Variants in DNAH11 observed in about 807,000 individuals in gnomAD.
DNAH11 encodes axonemal beta dynein heavy chain 11.
Under a neutral mutation model 526.0 loss-of-function variants are expected in DNAH11, and 442 were observed. The observed-to-expected ratio is 0.84, with a 90% CI of 0.78 to 0.91. The LOEUF (loss-of-function observed/expected upper bound fraction) is 0.91. Ranked by LOEUF, DNAH11 falls within the 40% of genes least tolerant of loss-of-function variation. DNAH11 has a pLI of 0.00. For missense variants in DNAH11, 6,989 were observed against 5,448.7 expected (o/e 1.28, Z -8.90); for synonymous variants, 2,461 against 1,935.9 (o/e 1.27, Z -7.12).
rs181656428 is a variant in DNAH11, at chr7:21,570,467, A to G, written c.1425+168A>G. On this transcript the variant is annotated intron_variant, in intron 7 of 81. Coordinates refer to ENST00000409508, the MANE Select transcript of DNAH11 (RefSeq NM_001277115.2). ...GCCAATGCTATGATGATACAAGGGC[A>G]TTTTTTAAATCTTTAATTTGGATTT... 3.2e-3 allele frequency: 1,615 copies of G among 498,816 alleles called. 7 individuals are homozygous for G. Among genetic ancestry groups the G allele is most frequent in the Non-Finnish European group, 3.4e-3 (983 of 293,004 alleles). The allele number at this position is 498,816 out of a possible 1,614,324, so 30.9% of individuals were successfully genotyped here.
At chr7:21,857,749 T>C (rs1250682450) in intron 68 of DNAH11, among the ~76,000 whole-genome samples, 1 of 152,070 alleles carries the variant, frequency 6.6e-6, no homozygotes, top group Non-Finnish European at 1.5e-5. Context: ...TTACAACAAA[T>C]GGTGCTGGAG....
At position 21,544,599 on chromosome 7, in the gene DNAH11, A is replaced by G. The variant is rs373266282; in HGVS notation, c.352-407A>G. 2.0e-4 allele frequency among the ~76,000 whole-genome samples: 30 copies of G among 152,356 alleles called. 1 individual carries two copies. In the South Asian group the frequency reaches 6.0e-3, roughly 31 times the overall value. On this transcript the variant is annotated intron_variant, in intron 1 of 81. Transcript: ENST00000409508. ...CTATTCTTTGATAGAAATACAAATT[A>G]ACCTCTTGGGCTTGTCTTTATCTCA...
Position 21,818,327 on chromosome 7 carries a change from T to A in DNAH11, c.10679T>A (p.Ile3560Asn), listed in dbSNP as rs1789900953. The A allele has an allele frequency of 3.7e-6, 6 of 1,604,416 alleles. No homozygotes were observed. The highest frequency in any genetic ancestry group is 1.7e-5 in the Admixed American group (1 of 57,582). ...VLDPLLGRNTIKKGKYIRIGD... is the reference protein window; with the variant it reads ...VLDPLLGRNTNKKGKYIRIGD... ...GATCCACTACTTGGCAGGAACACAATTAAAAAAGGAAAGTAAGTATTCTTG... is the reference window on the plus strand; with the variant it reads ...GATCCACTACTTGGCAGGAACACAAATAAAAAAGGAAAGTAAGTATTCTTG... Residue 3560 changes from isoleucine (I) to asparagine (N), a missense_variant, in exon 65 of 82, where the codon ATT becomes AAT. Transcript: ENST00000409508.
intron 17 of DNAH11, 52 bp from the exon 18 acceptor site, chr7:21,601,344 A>G (rs931607642): frequency 2.0e-6 from 3 of 1,538,064 alleles, no homozygotes; most frequent in East Asian, 2.3e-5. Context: ...ATACTGCTAA[A>G]TGTTTTAATA....
intron 30 of DNAH11, among the ~76,000 whole-genome samples, chr7:21,674,197 T>G (rs1281923565): frequency 6.6e-6 from 1 of 151,496 alleles, no homozygotes; most frequent in Non-Finnish European, 1.5e-5. Flanking sequence ...GTACCTGGAG[T>G]TATAGGCGTG....
chr7:21,715,893 A>G (rs912109449), intron 42 of DNAH11, among the ~76,000 whole-genome samples: 1 of 147,328 alleles, frequency 6.8e-6, no homozygotes, highest in Non-Finnish European at 1.5e-5. Flanking sequence ...CTCAAGCAGA[A>G]TCGGCTCTTA....
At position 21,676,314 on chromosome 7, in the gene DNAH11, T is replaced by C. The variant is rs151215776; in HGVS notation, c.5329-5232T>C. Among the ~76,000 whole-genome samples the C allele has an allele frequency of 4.1e-3, 626 of 152,320 alleles. 1 individual carries two copies. Among genetic ancestry groups the C allele is most frequent in the Admixed American group, 0.011 (171 of 15,304 alleles). On this transcript the variant is annotated intron_variant, in intron 30 of 81. Transcript: ENST00000409508. ...AATCATGTAACACTGTTGCGATCAGTGGCAAGAATATGTACTGATTACATG... is the reference window on the plus strand; with the variant it reads ...AATCATGTAACACTGTTGCGATCAGCGGCAAGAATATGTACTGATTACATG...
chr7:21,882,210 G>A (rs944397896), intron 75 of DNAH11, among the ~76,000 whole-genome samples: 10 of 152,110 alleles, frequency 6.6e-5, no homozygotes, highest in Admixed American at 3.9e-4. Flanking sequence ...GTGGACACAC[G>A]TGTTTCTCTC....
At chr7:21,728,142 A>G (rs1195272663) in intron 45 of DNAH11, among the ~76,000 whole-genome samples, 2 of 151,836 alleles carry the variant, frequency 1.3e-5, no homozygotes, top group Non-Finnish European at 2.9e-5. Context: ...TGGAGGAGAC[A>G]TAATTCAGCC....
In DNAH11 at chr7:21,687,191, A is replaced by G. The variant is rs1196149508; in HGVS notation, c.5714A>G (p.Asp1905Gly). Reference sequence around the variant, plus strand: ...ACCGGGAAAACAGAGACCACCAAAGACCTAGGACGTGCCCTTGGCATGATG... The same window carrying G: ...ACCGGGAAAACAGAGACCACCAAAGGCCTAGGACGTGCCCTTGGCATGATG... ...AGTGKTETTK[D>G]LGRALGMMVY... Residue 1905 changes from aspartate to glycine, a missense_variant, in exon 33 of 82, where the codon GAC becomes GGC. Asp to Gly is a moderately conservative substitution (Grantham distance 94, BLOSUM62 -1). Coordinates refer to ENST00000409508, the MANE Select transcript of DNAH11 (RefSeq NM_001277115.2). 6.2e-7 allele frequency: 1 copy of G among 1,611,612 alleles called. No homozygotes were observed. Among genetic ancestry groups the G allele is most frequent in the East Asian group, 2.2e-5 (1 of 44,864 alleles).
intron 16 of DNAH11, 30 bp downstream of exon 16, chr7:21,600,960 T>C (rs779918334): frequency 2.5e-6 from 4 of 1,611,656 alleles, no homozygotes; most frequent in South Asian, 1.1e-5. Context: ...TTTAATGTAG[T>C]GAAATGGCTT....
chr7:21,775,974 G>C (rs1787654846), intron 56 of DNAH11, among the ~76,000 whole-genome samples: 1 of 152,220 alleles, frequency 6.6e-6, no homozygotes, highest in South Asian at 2.1e-4. Flanking sequence ...CTTAAAGGTT[G>C]TGAGCTAAAA....
At chr7:21,650,174 G>A (rs1787561886) in intron 28 of DNAH11, among the ~76,000 whole-genome samples, 1 of 152,040 alleles carries the variant, frequency 6.6e-6, no homozygotes, top group African/African-American at 2.4e-5. Context: ...TTTTATGAAA[G>A]AAACACCAAA....
intron 11 of DNAH11, 94 bp from the exon 12 acceptor site, chr7:21,589,107 TTATAGTG>T (rs1260622027): frequency 1.1e-5 from 10 of 883,412 alleles, no homozygotes; most frequent in Middle Eastern, 3.6e-4. Flanking sequence ...TCCTGGTTGT[TTATAGTG>T]TATTATATTT....
chr7:21,640,984 C>A (rs1361765978), intron 28 of DNAH11, among the ~76,000 whole-genome samples: 1 of 152,176 alleles, frequency 6.6e-6, no homozygotes, highest in East Asian at 1.9e-4. Flanking sequence ...CAGCAAGGAT[C>A]CACGTGCTGG....
chr7:21,635,364 G>A (rs909688124), intron 25 of DNAH11, among the ~76,000 whole-genome samples: 1 of 152,164 alleles, frequency 6.6e-6, no homozygotes, highest in Admixed American at 6.5e-5. Flanking sequence ...TACCGTGTTA[G>A]CCAGGTTGGT....
chr7:21,687,187 AAAGACC>A lies in DNAH11; in HGVS notation c.5711_5716del (p.Lys1904_Leu1906delinsIle), dbSNP rs1783412285. Reference sequence around the variant, plus strand: ...TGGTACCGGGAAAACAGAGACCACCAAAGACCTAGGACGTGCCCTTGGCATGATGGT... The same window carrying A: ...TGGTACCGGGAAAACAGAGACCACCATAGGACGTGCCCTTGGCATGATGGT... On this transcript the variant is annotated inframe_deletion, in exon 33 of 82. Transcript: ENST00000409508. The A allele has an allele frequency of 6.2e-7, 1 of 1,612,508 alleles. No individual in the cohort carries two copies. Among genetic ancestry groups the A allele is most frequent in the East Asian group, 2.2e-5 (1 of 44,868 alleles).
chr7:21,590,392 C>G (rs1055365946), intron 12 of DNAH11, among the ~76,000 whole-genome samples: 4 of 152,116 alleles, frequency 2.6e-5, no homozygotes, highest in Non-Finnish European at 5.9e-5. Flanking sequence ...ATTTCCATGA[C>G]AAAACACAAA....
intron 68 of DNAH11, among the ~76,000 whole-genome samples, chr7:21,860,914 C>T (rs757682653): frequency 6.6e-6 from 1 of 152,178 alleles, no homozygotes; most frequent in Admixed American, 6.5e-5. Flanking sequence ...GATTTCCCCT[C>T]ATAAAACCAT....
Sources: allele counts gnomAD v4.1 joint callset (sites outside exome capture counted in the v4.1 genomes callset), GRCh38; gene constraint gnomAD v4.1.1; transcripts MANE v1.5; gene names NCBI Gene and HGNC (gene_info 2026-07-23, HGNC 2026-07-21).